Variants in MEP1A observed in about 807,000 individuals in gnomAD.
MEP1A encodes the protein meprin A subunit alpha.
In MEP1A, 68 loss-of-function variants were observed where a neutral mutation model predicts 84.5. The ratio of observed to expected loss-of-function variants is 0.80; its 90% confidence interval spans 0.66 to 0.98. The LOEUF is 0.98. MEP1A is among the 50% of genes least tolerant of loss of function. The probability of loss-of-function intolerance (pLI) is 0.00; values close to 1 mark genes in which losing one functional copy is unlikely to be tolerated. For missense variants in MEP1A, 887 were observed against 919.9 expected, an observed-to-expected ratio of 0.96 and a Z score of 0.46; for synonymous variants, 337 against 336.8, an observed-to-expected ratio of 1.00 and a Z score of -0.01.
intron 3 of MEP1A, 104 bp downstream of exon 3, chr6:46,793,820 G>A: frequency 1.2e-6 from 1 of 809,628 alleles, no homozygotes; most frequent in Non-Finnish European, 1.9e-6. Flanking sequence ...ATTCTCTGGG[G>A]GAGAAATATT....
intron 5 of MEP1A, among the ~76,000 whole-genome samples, chr6:46,799,875 G>T (rs1321999205): frequency 6.6e-6 from 1 of 152,132 alleles, no homozygotes; most frequent in African/African-American, 2.4e-5. Flanking sequence ...TGTCTGCAAG[G>T]CCCCTCCTGC....
chr6:46,800,286 T>C (rs1173739143), intron 5 of MEP1A, among the ~76,000 whole-genome samples: 1 of 152,182 alleles, frequency 6.6e-6, no homozygotes, highest in African/African-American at 2.4e-5. Flanking sequence ...TATGTAACCT[T>C]TACCATGCCT....
intron 7 of MEP1A, among the ~76,000 whole-genome samples, chr6:46,823,406 G>A (rs1228739775): frequency 6.6e-6 from 1 of 152,208 alleles, no homozygotes. Flanking sequence ...GAGGTCAGGG[G>A]TTTGAGACCA....
In MEP1A at chr6:46,826,372, T is replaced by C; in HGVS notation, c.797T>C (p.Leu266Ser). The C allele has an allele frequency of 6.2e-7, 1 of 1,605,990 alleles. No individual in the cohort carries two copies. The change falls in exon 9 of 14, where the codon TTG becomes TCG. Residue 266 changes from leucine (L) to serine (S), a missense_variant. Coordinates refer to ENST00000230588, the MANE Select transcript of MEP1A (RefSeq NM_005588.3). ...TTTGCAGCCACAACTCACACTCTTT[T>C]GGACCACTGTACTTTTGAGAAGGCA... ...MYNCTTTHTL[L>S]DHCTFEKANI...
At chr6:46,811,363 C>T (rs1207185698) in intron 6 of MEP1A, among the ~76,000 whole-genome samples, 3 of 151,958 alleles carry the variant, frequency 2.0e-5, no homozygotes, top group South Asian at 4.1e-4. Flanking sequence ...GTTCTAGGAG[C>T]TTTTTGGATG....
At chr6:46,804,797 T>G (rs9357516) in intron 5 of MEP1A, among the ~76,000 whole-genome samples, 40,614 of 151,608 alleles carry the variant, frequency 0.27, 5,630 homozygotes, top group South Asian at 0.33. Flanking sequence ...AACACTGTTA[T>G]CCTTCCAGAG....
chr6:46,822,259 A>G (rs1189340348), intron 7 of MEP1A, among the ~76,000 whole-genome samples: 2 of 152,296 alleles, frequency 1.3e-5, no homozygotes, highest in Admixed American at 6.5e-5. Context: ...TAGTTACAAC[A>G]GAGAACATAT....
chr6:46,804,000 T>A (rs908458836), intron 5 of MEP1A, among the ~76,000 whole-genome samples: 1 of 151,744 alleles, frequency 6.6e-6, no homozygotes, highest in African/African-American at 2.4e-5. Context: ...ACATGCTTCA[T>A]AAGTCTCGCA....
intron 13 of MEP1A, 53 bp downstream of exon 13, chr6:46,835,602 A>G: frequency 6.3e-7 from 1 of 1,581,978 alleles, no homozygotes; most frequent in South Asian, 1.1e-5. Flanking sequence ...GGCCGTGTGC[A>G]TGCTTGCTCC....
Position 46,826,502 on chromosome 6 carries a change from A to C in MEP1A, c.927A>C (p.Thr309=). Residue 309 remains threonine, a splice_region_variant and synonymous_variant, in exon 9 of 14, where the codon ACA becomes ACC. Coordinates refer to ENST00000230588, the MANE Select transcript of MEP1A (RefSeq NM_005588.3). ...ATCACACCTTGTTGGGACAATGCAC[A>C]GGTCAGTGAAAGTGGAAAGCAAACA... The part of the protein sequence containing the change: ...EVDHTLLGQC[T]GAGYFMQFST... 6.5e-7 allele frequency: 1 copy of C among 1,540,418 alleles called. No individual in the cohort carries two copies.
chr6:46,824,749 T>C (rs1767870447), intron 7 of MEP1A, among the ~76,000 whole-genome samples: 1 of 64,888 alleles, frequency 1.5e-5, no homozygotes. Flanking sequence ...TTTAAATAGA[T>C]GTATTTAAAT....
At position 46,825,363 on chromosome 6, in the gene MEP1A, T is replaced by C. The variant is rs777159352; in HGVS notation, c.648T>C (p.Pro216=). The change falls in exon 8 of 14, where the codon CCT becomes CCC. Residue 216 remains proline (P), a synonymous_variant. Coordinates refer to ENST00000230588, the MANE Select transcript of MEP1A (RefSeq NM_005588.3). ...ATGAGTCTTTGATGCACTACCAGCC[T>C]TTCTCATTTAACAAGAATGCAAGTG... ...YDYESLMHYQ[P]FSFNKNASVP... The C allele has an allele frequency of 1.6e-5, 26 of 1,613,338 alleles. No individual in the cohort carries two copies. The highest frequency in any genetic ancestry group is 1.9e-5 in the Non-Finnish European group (23 of 1,179,578).
intron 13 of MEP1A, among the ~76,000 whole-genome samples, chr6:46,837,209 A>G (rs1336974301): frequency 6.6e-6 from 1 of 152,152 alleles, no homozygotes; most frequent in African/African-American, 2.4e-5. Context: ...TGGCACCTTC[A>G]CCCCGTTAAT....
rs759130198 is a variant in MEP1A at position 46,815,093 on chromosome 6, T to G, written c.381-4436T>G. 5.3e-5 allele frequency among the ~76,000 whole-genome samples: 8 copies of G among 152,312 alleles called. No individual in the cohort carries two copies. In the Middle Eastern group the frequency reaches 0.01, roughly 194 times the overall value. On this transcript the variant is annotated intron_variant, in intron 6 of 13. Transcript: ENST00000230588. Reference sequence around the variant, plus strand: ...CTATAGGGAGGATGCAAACCTGCCCTAGGGACACCTGGTTAAGTATTCAGG... The same window carrying G: ...CTATAGGGAGGATGCAAACCTGCCCGAGGGACACCTGGTTAAGTATTCAGG...
At chr6:46,797,992 G>A (rs1251479455) in intron 3 of MEP1A, among the ~76,000 whole-genome samples, 2 of 146,648 alleles carry the variant, frequency 1.4e-5, no homozygotes, top group Non-Finnish European at 3.0e-5. Flanking sequence ...TTGTGAGACA[G>A]AGTCTGGCTC....
intron 2 of MEP1A, 29 bp from the exon 3 acceptor site, chr6:46,793,637 A>C (rs1206352384): frequency 1.3e-6 from 2 of 1,590,422 alleles, no homozygotes; most frequent in African/African-American, 2.7e-5. Context: ...GGCAAGACTA[A>C]TAATAATTTT....
At chr6:46,828,476 G>T (rs924265343) in intron 9 of MEP1A, among the ~76,000 whole-genome samples, 3 of 152,110 alleles carry the variant, frequency 2.0e-5, no homozygotes, top group African/African-American at 7.2e-5. Flanking sequence ...ACGGAGCAAC[G>T]CTGGAGTATC....
chr6:46,833,022 T>A (rs1439294046), intron 10 of MEP1A, 52 bp from the exon 11 acceptor site: 3 of 1,000,484 alleles, frequency 3.0e-6, no homozygotes, highest in African/African-American at 1.6e-5. Flanking sequence ...TCATAATAAG[T>A]ACTCATTAAG....
chr6:46,798,687 G>A (rs1767122606), intron 4 of MEP1A, 41 bp downstream of exon 4: 2 of 1,558,752 alleles, frequency 1.3e-6, no homozygotes, highest in Non-Finnish European at 8.9e-7. Flanking sequence ...CTCAGGACAG[G>A]CAGTACCACT....
Sources: gnomAD v4.1 joint callset for allele counts (sites outside exome capture counted in the v4.1 genomes callset) on GRCh38, gnomAD v4.1.1 for gene constraint, MANE v1.5 for transcripts, NCBI Gene and HGNC (gene_info 2026-07-23, HGNC 2026-07-21) for gene names.